Variants in PCDHGA3 observed in about 807,000 individuals in gnomAD.
PCDHGA3 encodes the protein protocadherin gamma subfamily A, 3, also known as protocadherin gamma-A3.
A neutral mutation model predicts 58.5 loss-of-function variants in PCDHGA3; 40 were observed. The ratio of observed to expected loss-of-function variants is 0.68; its 90% CI spans 0.53 to 0.89. The LOEUF (loss-of-function observed/expected upper bound fraction) is 0.89. PCDHGA3 is among the 40% of genes least tolerant of loss of function. The pLI, the probability that PCDHGA3 is intolerant of heterozygous loss-of-function variation, is 0.00. For missense variants in PCDHGA3, 1,223 were observed against 1,195.9 expected, an observed-to-expected ratio of 1.02 and a Z score of -0.33; for synonymous variants, 530 against 525.7, an observed-to-expected ratio of 1.01 and a Z score of -0.11.
At chr5:141,434,693 T>C (rs2097710124) in intron 1 of PCDHGA3, among the ~76,000 whole-genome samples, 1 of 152,034 alleles carries the variant, frequency 6.6e-6, no homozygotes, top group Non-Finnish European at 1.5e-5. Context: ...TTGCTGTTAA[T>C]AAATATGTGG....
rs556217163 is a variant in PCDHGA3, at chr5:141,433,697, C to T, written c.2425-61110C>T. Among the ~76,000 whole-genome samples the T allele has an allele frequency of 6.0e-4, 91 of 152,138 alleles. 1 individual carries two copies. Among genetic ancestry groups the T allele is most frequent in the African/African-American group, 2.0e-3 (85 of 41,536 alleles). ...CTAAAAAAATACAAAATTAGCCGGGCGTGGTGGTGCATGTCTGTAATCCCA... is the reference window on the plus strand; with the variant it reads ...CTAAAAAAATACAAAATTAGCCGGGTGTGGTGGTGCATGTCTGTAATCCCA... On this transcript the variant is annotated intron_variant, in intron 1 of 3. Coordinates refer to ENST00000253812, the MANE Select transcript of PCDHGA3 (RefSeq NM_018916.4).
At chr5:141,347,137 C>CTCTTTCTTTCTTTCTTTCTTTCTT (rs70988799) in intron 1 of PCDHGA3, among the ~76,000 whole-genome samples, 9,489 of 113,698 alleles carry the variant, frequency 0.083, 861 homozygotes, top group African/African-American at 0.12. Context: ...CTCTGTTTCT[C>CTCTTTCTTTCTTTCTTTCTTTCTT]TCTTTCTTTC....
chr5:141,384,636 C>T (rs760530136), intron 1 of PCDHGA3: 4 of 1,614,202 alleles, frequency 2.5e-6, no homozygotes, highest in South Asian at 1.1e-5. Flanking sequence ...AGCTGGCACC[C>T]CGCTCCGCAG....
rs987203685 is a variant in PCDHGA3 at position 141,403,829 on chromosome 5, C to A, written c.2424+57372C>A. ...TAATGAAAAACAATCTCTGCTATTC[C>A]AGCTTAATGAAAATACTGGGGAAAT... is the stretch of plus-strand genomic sequence containing the variant. On this transcript the variant is annotated intron_variant, in intron 1 of 3. Transcript: ENST00000253812. 1.2e-6 allele frequency: 2 copies of A among 1,613,602 alleles called. No homozygotes were observed. The highest frequency in any genetic ancestry group is 2.2e-5 in the East Asian group (1 of 44,884).
intron 1 of PCDHGA3, among the ~76,000 whole-genome samples, chr5:141,425,694 A>G (rs1006103007): frequency 6.6e-6 from 1 of 152,240 alleles, no homozygotes; most frequent in Non-Finnish European, 1.5e-5. Context: ...ATATCATTTC[A>G]TAGTGGTCAA....
chr5:141,384,708 G>A (rs1222018997), intron 1 of PCDHGA3: 3 of 1,613,998 alleles, frequency 1.9e-6, no homozygotes, highest in Non-Finnish European at 2.5e-6. Flanking sequence ...AGAACGCCTG[G>A]CTGTCATACC....
chr5:141,476,523 C>G lies in PCDHGA3; in HGVS notation c.2425-18284C>G. On this transcript the variant is annotated intron_variant, in intron 1 of 3. Transcript: ENST00000253812. This position sits in a 1 kb window ranked among gnomAD's most constrained non-coding sequence, Gnocchi z 7.6. ...ATCAACGACAACAATCCTGCTTTCC[C>G]TACCCAGGAAATGAAATTGGAGATT... is the stretch of plus-strand genomic sequence containing the variant. 1 of 1,614,218 alleles carries G rather than the reference C, an allele frequency of 6.2e-7. No individual in the cohort carries two copies.
chr5:141,492,719 C>A (rs1367632029), intron 1 of PCDHGA3, among the ~76,000 whole-genome samples: 1 of 152,280 alleles, frequency 6.6e-6, no homozygotes, highest in Non-Finnish European at 1.5e-5. Context: ...AGCAGGCGGA[C>A]AGGCAGAGCT....
intron 1 of PCDHGA3, among the ~76,000 whole-genome samples, chr5:141,386,466 A>G (rs1317226366): frequency 3.9e-5 from 6 of 152,122 alleles, no homozygotes; most frequent in Non-Finnish European, 8.8e-5. Context: ...GCTTGAACCC[A>G]AGAATTGGAG....
At chr5:141,419,781 G>A in intron 1 of PCDHGA3, 1 of 1,614,032 alleles carries the variant, frequency 6.2e-7, no homozygotes, top group Non-Finnish European at 8.5e-7. Flanking sequence ...GTCCGCCAGC[G>A]CCTGCTAGTC....
intron 1 of PCDHGA3, among the ~76,000 whole-genome samples, chr5:141,451,854 C>T (rs1243479409): frequency 6.6e-6 from 1 of 152,058 alleles, no homozygotes; most frequent in Non-Finnish European, 1.5e-5. Flanking sequence ...CCACTCCAGC[C>T]TAGGCCACAG....
At chr5:141,430,682 C>A (rs2097302907) in intron 1 of PCDHGA3, 1 of 1,361,564 alleles carries the variant, frequency 7.3e-7, no homozygotes, top group South Asian at 1.7e-5. Flanking sequence ...CCAACTGTCC[C>A]ATTCTATGGG....
chr5:141,508,979 G>A (rs1317798009), intron 3 of PCDHGA3, among the ~76,000 whole-genome samples: 1 of 152,110 alleles, frequency 6.6e-6, no homozygotes, highest in Non-Finnish European at 1.5e-5. Context: ...GCTGGGGGTG[G>A]GGGCCAGCTG....
intron 1 of PCDHGA3, among the ~76,000 whole-genome samples, chr5:141,483,340 C>T (rs906468552): frequency 5.9e-5 from 9 of 152,036 alleles, no homozygotes; most frequent in Non-Finnish European, 1.2e-4. Flanking sequence ...GATCTTATCT[C>T]TTTGCAATAG....
intron 1 of PCDHGA3, chr5:141,426,390 C>T (rs1211244710): frequency 7.9e-6 from 2 of 252,180 alleles, no homozygotes; most frequent in African/African-American, 4.4e-5. Flanking sequence ...AGATCCGCTA[C>T]TCTATTCCAG....
chr5:141,441,155 T>A (rs2098229690), intron 1 of PCDHGA3: 1 of 152,230 alleles, frequency 6.6e-6, no homozygotes, highest in East Asian at 1.9e-4. Flanking sequence ...GACAATATCC[T>A]AGAGGCGATT....
At chr5:141,405,442 C>A in intron 1 of PCDHGA3, 1 of 1,378,146 alleles carries the variant, frequency 7.3e-7, no homozygotes, top group Non-Finnish European at 1.0e-6. Context: ...GTTTTTGAGA[C>A]AGAGTCTTAC....
chr5:141,419,754 T>C, intron 1 of PCDHGA3: 1 of 1,613,924 alleles, frequency 6.2e-7, no homozygotes. Flanking sequence ...GTGCGTGCTT[T>C]GGGTGACAAG....
intron 1 of PCDHGA3, chr5:141,418,133 C>T (rs758498780): frequency 2.5e-6 from 4 of 1,613,924 alleles, no homozygotes; most frequent in Non-Finnish European, 3.4e-6. Flanking sequence ...CCGAATAGAC[C>T]GTGAGCAAAT....
Sources: allele counts gnomAD v4.1 joint callset (sites outside exome capture counted in the v4.1 genomes callset), GRCh38; gene constraint gnomAD v4.1.1; non-coding constraint Gnocchi (gnomAD v3.1); transcripts MANE v1.5; gene names NCBI Gene and HGNC (gene_info 2026-07-23, HGNC 2026-07-21).